The following ADORA2B variants were observed in gnomAD, a reference collection of about 807,000 sequenced individuals.
ADORA2B encodes adenosine receptor A2b.
In ADORA2B, 18 loss-of-function variants were observed where a neutral mutation model predicts 20.8. The ratio of observed to expected loss-of-function variants is 0.87; its 90% confidence interval spans 0.60 to 1.29. The LOEUF (loss-of-function observed/expected upper bound fraction) is 1.29. ADORA2B is among the 50% of genes most tolerant of loss of function. The probability of loss-of-function intolerance (pLI) is 0.00; values close to 1 mark genes in which losing one functional copy is unlikely to be tolerated. For synonymous variants in ADORA2B, 179 were observed against 178.3 expected, an observed-to-expected ratio of 1.00 and a Z score of -0.03; for missense variants, 441 against 422.7, an observed-to-expected ratio of 1.04 and a Z score of -0.38.
chr17:15,952,317 C>T lies in ADORA2B; in HGVS notation c.335+6734C>T, dbSNP rs150729978. On this transcript the variant is annotated intron_variant, in intron 1 of 1. Transcript: ENST00000304222. ...TGAATGGCAGCCATTGTTCCCAAGCCGTTTCTGGGTGCCAGGCACCTTACA... is the reference window on the plus strand; with the variant it reads ...TGAATGGCAGCCATTGTTCCCAAGCTGTTTCTGGGTGCCAGGCACCTTACA... Among the ~76,000 whole-genome samples, 92 of 152,226 alleles carry T rather than the reference C, an allele frequency of 6.0e-4. 2 individuals carry two copies. The East Asian group carries it at 0.011, about 18-fold the overall frequency.
chr17:15,879,968 G>C, the ADORA2B span, among the ~76,000 whole-genome samples: 1 of 148,756 alleles, frequency 6.7e-6, no homozygotes, highest in African/African-American at 2.6e-5. Flanking sequence ...GACAATTTTT[G>C]TGTTCTCTAA....
At chr17:15,890,871 A>C in the ADORA2B span, among the ~76,000 whole-genome samples, 1 of 152,238 alleles carries the variant, frequency 6.6e-6, no homozygotes, top group African/African-American at 2.4e-5. Flanking sequence ...GCCTATGTGC[A>C]GGTCTCCACA....
the ADORA2B span, among the ~76,000 whole-genome samples, chr17:15,934,107 A>G: frequency 6.6e-6 from 1 of 152,174 alleles, no homozygotes; most frequent in Non-Finnish European, 1.5e-5. Context: ...ATGTGTATTG[A>G]GATGATCATG....
chr17:15,941,764 C>G (rs866958747), upstream of ADORA2B, among the ~76,000 whole-genome samples: 1 of 150,978 alleles, frequency 6.6e-6, no homozygotes, highest in Non-Finnish European at 1.5e-5. Context: ...TGCCATGACT[C>G]TCTTCGGATT....
intron 1 of ADORA2B, among the ~76,000 whole-genome samples, chr17:15,970,408 AGTT>A (rs1281985424): frequency 2.6e-5 from 4 of 152,178 alleles, no homozygotes; most frequent in African/African-American, 4.8e-5. Context: ...GGTGGACTCC[AGTT>A]GTTGTTCTGA....
chr17:15,905,901 A>G, the ADORA2B span, among the ~76,000 whole-genome samples: 1 of 152,112 alleles, frequency 6.6e-6, no homozygotes, highest in African/African-American at 2.4e-5. Context: ...TGATCTGCCC[A>G]CCTCAGCCTC....
chr17:15,882,597 CT>C, the ADORA2B span, among the ~76,000 whole-genome samples: 9 of 152,240 alleles, frequency 5.9e-5, no homozygotes, highest in African/African-American at 2.2e-4. Context: ...AAGAAAGGTT[CT>C]TACCATGAGT....
At chr17:15,886,099 T>G in the ADORA2B span, among the ~76,000 whole-genome samples, 1 of 152,180 alleles carries the variant, frequency 6.6e-6, no homozygotes, top group Admixed American at 6.5e-5. Flanking sequence ...ACAGTGAAAC[T>G]GGTTTCGTCA....
At chr17:15,905,284 T>TA in the ADORA2B span, among the ~76,000 whole-genome samples, 1 of 146,738 alleles carries the variant, frequency 6.8e-6, no homozygotes, top group Non-Finnish European at 1.5e-5. Context: ...TTGTTGTTGT[T>TA]GGGGGGGGGT....
chr17:15,964,852 G>C (rs1192135797), intron 1 of ADORA2B, among the ~76,000 whole-genome samples: 1 of 151,894 alleles, frequency 6.6e-6, no homozygotes, highest in Non-Finnish European at 1.5e-5. Context: ...ACGAGGTCAG[G>C]AGATCGAGAC....
chr17:15,949,290 A>G (rs920652990), intron 1 of ADORA2B, among the ~76,000 whole-genome samples: 1 of 152,058 alleles, frequency 6.6e-6, no homozygotes, highest in Admixed American at 6.6e-5. Flanking sequence ...AGGCGAATAG[A>G]TCAGTTGAGG....
chr17:15,871,458 C>G, the ADORA2B span, among the ~76,000 whole-genome samples: 1 of 152,064 alleles, frequency 6.6e-6, no homozygotes. Flanking sequence ...TGGGATGGCT[C>G]TCCTTAGCAA....
the ADORA2B span, among the ~76,000 whole-genome samples, chr17:15,860,125 C>A: frequency 6.6e-6 from 1 of 152,146 alleles, no homozygotes; most frequent in African/African-American, 2.4e-5. Context: ...TCAGGTACCC[C>A]CTGCTTGCTC....
chr17:15,943,479 A>G (rs1969762385), upstream of ADORA2B, among the ~76,000 whole-genome samples: 1 of 152,160 alleles, frequency 6.6e-6, no homozygotes. Context: ...GGCACCTGCC[A>G]CCGTGCCTGG....
the ADORA2B span, among the ~76,000 whole-genome samples, chr17:15,897,655 C>A: frequency 6.6e-6 from 1 of 152,196 alleles, no homozygotes; most frequent in East Asian, 1.9e-4. Flanking sequence ...CTACAATAGA[C>A]AAGTCACAGA....
At chr17:15,927,871 A>G in the ADORA2B span, among the ~76,000 whole-genome samples, 1 of 152,190 alleles carries the variant, frequency 6.6e-6, no homozygotes, top group Non-Finnish European at 1.5e-5. Flanking sequence ...ATCCAAGTGG[A>G]GAAGGTGAGT....
intron 1 of ADORA2B, among the ~76,000 whole-genome samples, chr17:15,949,149 A>G (rs1383033465): frequency 6.9e-6 from 1 of 144,130 alleles, no homozygotes; most frequent in Admixed American, 6.9e-5. Context: ...CAGAGGTTGC[A>G]GTGAGCCAAG....
the ADORA2B span, among the ~76,000 whole-genome samples, chr17:15,874,042 G>GTATATATA: frequency 7.4e-6 from 1 of 134,824 alleles, no homozygotes; most frequent in African/African-American, 3.2e-5. Flanking sequence ...ATATATATGT[G>GTATATATA]TATATATATA....
the ADORA2B span, among the ~76,000 whole-genome samples, chr17:15,864,562 C>A: frequency 2.0e-5 from 3 of 151,966 alleles, no homozygotes; most frequent in Non-Finnish European, 4.4e-5. Flanking sequence ...ATAGGGATTT[C>A]TTTTATTAGG....
Sources: allele counts gnomAD v4.1 joint callset (sites outside exome capture counted in the v4.1 genomes callset), GRCh38; gene constraint gnomAD v4.1.1; transcripts MANE v1.5; gene names NCBI Gene and HGNC (gene_info 2026-07-23, HGNC 2026-07-21).